UNC13C: variants seen among roughly 807,000 people sequenced by gnomAD.
The protein encoded by UNC13C is unc-13 homolog C, also known as protein unc-13 homolog C.
A neutral mutation model predicts 245.4 loss-of-function variants in UNC13C; 174 were observed. The observed-to-expected ratio is 0.71, with a 90% CI of 0.63 to 0.80. The LOEUF (loss-of-function observed/expected upper bound fraction) is 0.80. Ranked by LOEUF, UNC13C falls within the 30% of genes least tolerant of loss-of-function variation. The pLI, the probability that UNC13C is intolerant of heterozygous loss-of-function variation, is 0.00. For missense variants in UNC13C, 2,829 were observed against 2,602.9 expected, an observed-to-expected ratio of 1.09 and a Z score of -1.89; for synonymous variants, 992 against 895.1, an observed-to-expected ratio of 1.11 and a Z score of -1.93.
Position 54,014,448 on chromosome 15 carries a change from A to G in UNC13C, c.1545A>G (p.Pro515=), listed in dbSNP as rs1895541701. 1 of 1,613,716 alleles carries G rather than the reference A, an allele frequency of 6.2e-7. No individual in the cohort carries two copies. Among genetic ancestry groups the G allele is most frequent in the Non-Finnish European group, 8.5e-7 (1 of 1,179,834 alleles). The change falls in exon 2 of 33, where the codon CCA becomes CCG. Residue 515 remains proline (P), a synonymous_variant. Coordinates refer to ENST00000260323, the MANE Select transcript of UNC13C (RefSeq NM_001080534.3). ...ATGATAAAATCTCCTCACAGTTGCC[A>G]GAATCAGATATCTTGGAAAAGCAAA... is the stretch of plus-strand genomic sequence containing the variant. The part of the protein sequence containing the change: ...SDYDKISSQL[P]ESDILEKQTT...
chr15:54,295,177 A>G (rs1315218197), intron 11 of UNC13C, among the ~76,000 whole-genome samples: 1 of 152,184 alleles, frequency 6.6e-6, no homozygotes, highest in Admixed American at 6.5e-5. Context: ...AAATAGAATT[A>G]CTAACTGAGG....
intron 4 of UNC13C, among the ~76,000 whole-genome samples, chr15:54,192,532 C>G (rs1318014926): frequency 6.6e-6 from 1 of 152,158 alleles, no homozygotes; most frequent in South Asian, 2.1e-4. Context: ...CTTTCCTCCA[C>G]CCTGGTTCTC....
intron 18 of UNC13C, among the ~76,000 whole-genome samples, chr15:54,409,195 ATT>A (rs1186877709): frequency 6.6e-6 from 1 of 151,640 alleles, no homozygotes; most frequent in East Asian, 1.9e-4. Context: ...TTAGGCTTTG[ATT>A]TTTTTTAAAT....
At chr15:54,445,776 T>C (rs1327445068) in intron 19 of UNC13C, among the ~76,000 whole-genome samples, 1 of 152,238 alleles carries the variant, frequency 6.6e-6, no homozygotes, top group East Asian at 1.9e-4. Context: ...TCTTTTGCTA[T>C]GCAGAAGCTC....
At position 54,486,290 on chromosome 15, in the gene UNC13C, A is replaced by ACAG. The variant is rs1893404476; in HGVS notation, c.4934-8318_4934-8317insCAG. 4.7e-5 allele frequency among the ~76,000 whole-genome samples: 3 copies of ACAG among 64,020 alleles called. No individual in the cohort carries two copies. The South Asian group carries it at 2.1e-3, about 45-fold the overall frequency. 42.0% of individuals were successfully genotyped at this position (64,020 alleles called of 152,430 possible). ...ACACACACACACACACACACACACAATATCAGTGTGGTGGCGGGCGCTTGT... is the reference window on the plus strand; with the variant it reads ...ACACACACACACACACACACACACAACAGTATCAGTGTGGTGGCGGGCGCTTGT... On this transcript the variant is annotated intron_variant, in intron 19 of 32. Transcript: ENST00000260323.
chr15:54,590,994 A>T (rs573910033), intron 30 of UNC13C, among the ~76,000 whole-genome samples: 2 of 152,284 alleles, frequency 1.3e-5, no homozygotes, highest in South Asian at 4.1e-4. Context: ...GAGGGTTTTA[A>T]TCATAAAGGG....
intron 19 of UNC13C, among the ~76,000 whole-genome samples, chr15:54,490,109 T>TA (rs1893627861): frequency 6.6e-6 from 1 of 152,150 alleles, no homozygotes; most frequent in African/African-American, 2.4e-5. Context: ...CCCATGGGTT[T>TA]AGAAGCAACT....
Position 54,254,240 on chromosome 15 carries a change from A to G in UNC13C, c.3448+3796A>G, listed in dbSNP as rs557647517. On this transcript the variant is annotated intron_variant, in intron 8 of 32. Transcript: ENST00000260323. ...AAATATTTGCATATATTGAGCAACT[A>G]TTGTGGGTAGGAGTTTTATTCTGGG... 1.3e-5 allele frequency among the ~76,000 whole-genome samples: 2 copies of G among 152,322 alleles called. 1 individual carries two copies. Among genetic ancestry groups the G allele is most frequent in the South Asian group, 4.1e-4 (2 of 4,822 alleles).
intron 13 of UNC13C, among the ~76,000 whole-genome samples, chr15:54,304,902 A>G (rs549868091): frequency 8.5e-5 from 13 of 152,092 alleles, no homozygotes; most frequent in Non-Finnish European, 1.9e-4. Context: ...ATTGGTATTC[A>G]TTAGTTATTA....
intron 10 of UNC13C, among the ~76,000 whole-genome samples, chr15:54,274,149 T>C (rs558901246): frequency 6.6e-6 from 1 of 151,972 alleles, no homozygotes; most frequent in Non-Finnish European, 1.5e-5. Context: ...CCTAGGGAGG[T>C]AGGGGAGAAG....
intron 30 of UNC13C, among the ~76,000 whole-genome samples, chr15:54,591,099 G>T (rs1025194101): frequency 6.6e-6 from 1 of 152,118 alleles, no homozygotes; most frequent in African/African-American, 2.4e-5. Context: ...CACATTTTTT[G>T]ACTTGTGTAT....
the UNC13C span, among the ~76,000 whole-genome samples, chr15:53,886,566 C>T: frequency 9.9e-5 from 15 of 152,182 alleles, no homozygotes; most frequent in Admixed American, 5.9e-4. Flanking sequence ...CACAGAGGAA[C>T]AACAAGTAAT....
intron 4 of UNC13C, among the ~76,000 whole-genome samples, chr15:54,190,826 T>C (rs533019417): frequency 6.6e-6 from 1 of 152,232 alleles, no homozygotes; most frequent in East Asian, 1.9e-4. Context: ...ATAACAGGCC[T>C]AGTTCTATCA....
At chr15:54,365,698 G>A (rs1371199554) in intron 17 of UNC13C, among the ~76,000 whole-genome samples, 1 of 151,208 alleles carries the variant, frequency 6.6e-6, no homozygotes, top group Non-Finnish European at 1.5e-5. Context: ...TTTCTAGTGG[G>A]CCCTTATATG....
At chr15:54,071,080 G>C (rs1898303925) in intron 2 of UNC13C, among the ~76,000 whole-genome samples, 1 of 152,078 alleles carries the variant, frequency 6.6e-6, no homozygotes, top group African/African-American at 2.4e-5. Context: ...TGTAGCATCT[G>C]ATAATTAATA....
chr15:54,475,930 T>C (rs1892714962), intron 19 of UNC13C, among the ~76,000 whole-genome samples: 1 of 112,342 alleles, frequency 8.9e-6, no homozygotes, highest in South Asian at 3.5e-4. Flanking sequence ...ACCAACAGTG[T>C]AAAAGTGTTC....
intron 11 of UNC13C, 23 bp from the exon 12 acceptor site, chr15:54,297,788 C>CAATT: frequency 6.6e-7 from 1 of 1,517,026 alleles, no homozygotes; most frequent in Non-Finnish European, 9.1e-7. Context: ...CATGACTGAC[C>CAATT]AATTGCCTTT....
chr15:54,237,074 C>T (rs991370673), intron 6 of UNC13C, among the ~76,000 whole-genome samples: 2 of 151,642 alleles, frequency 1.3e-5, no homozygotes, highest in African/African-American at 4.8e-5. Flanking sequence ...TTACCAGCAT[C>T]GAGTGAAGAA....
At chr15:54,392,782 C>A (rs904492101) in intron 17 of UNC13C, among the ~76,000 whole-genome samples, 4 of 151,806 alleles carry the variant, frequency 2.6e-5, no homozygotes, top group African/African-American at 9.7e-5. Flanking sequence ...AACCTCTAAT[C>A]CAGAACAACA....
Sources: gnomAD v4.1 joint callset for allele counts (sites outside exome capture counted in the v4.1 genomes callset) on GRCh38, gnomAD v4.1.1 for gene constraint, MANE v1.5 for transcripts, NCBI Gene and HGNC (gene_info 2026-07-23, HGNC 2026-07-21) for gene names.